Variants in ADGRL3 observed in about 807,000 individuals in gnomAD.
The protein encoded by ADGRL3 is adhesion G protein-coupled receptor L3, also known as calcium-independent alpha-latrotoxin receptor 3.
A neutral mutation model predicts 153.5 loss-of-function variants in ADGRL3; 62 were observed. The ratio of observed to expected loss-of-function variants is 0.40; its 90% CI spans 0.33 to 0.50. The LOEUF (loss-of-function observed/expected upper bound fraction) is 0.50, where lower values mean the gene tolerates loss of function less well. ADGRL3 is among the 20% of genes least tolerant of loss of function. The pLI is 0.47. For missense variants in ADGRL3, 1,641 were observed against 1,859.4 expected, an observed-to-expected ratio of 0.88 and a Z score of 2.16; for synonymous variants, 710 against 672.5, an observed-to-expected ratio of 1.06 and a Z score of -0.86.
intron 21 of ADGRL3, among the ~76,000 whole-genome samples, chr4:62,008,598 TATAAC>T (rs2099169840): frequency 6.6e-6 from 1 of 151,876 alleles, no homozygotes; most frequent in Admixed American, 6.6e-5. Flanking sequence ...TATTGAAAAA[TATAAC>T]ATTATTATGA....
At chr4:61,945,173 AG>A (rs1273313623) in intron 15 of ADGRL3, among the ~76,000 whole-genome samples, 4 of 2,130 alleles carry the variant, frequency 1.9e-3, no homozygotes, top group Non-Finnish European at 4.0e-3. Flanking sequence ...CCTCAGCTGC[AG>A]GTCTGTTGGA....
chr4:61,672,680 T>A (rs2095048224), intron 5 of ADGRL3, among the ~76,000 whole-genome samples: 1 of 152,012 alleles, frequency 6.6e-6, no homozygotes, highest in Non-Finnish European at 1.5e-5. Context: ...AGATAAGTGT[T>A]GATGACAATG....
intron 21 of ADGRL3, among the ~76,000 whole-genome samples, chr4:62,008,337 A>T (rs2151207758): frequency 6.6e-6 from 1 of 151,604 alleles, no homozygotes; most frequent in South Asian, 2.1e-4. Flanking sequence ...AGAGAGTAGA[A>T]ATTGTATGGC....
intron 9 of ADGRL3, among the ~76,000 whole-genome samples, chr4:61,835,654 A>C (rs192388515): frequency 7.9e-5 from 12 of 152,268 alleles, no homozygotes; most frequent in Non-Finnish European, 1.3e-4. Flanking sequence ...CTTTTTTACA[A>C]GATTTGGAAT....
intron 2 of ADGRL3, among the ~76,000 whole-genome samples, chr4:61,419,419 C>T (rs747328155): frequency 8.0e-5 from 12 of 150,568 alleles, no homozygotes; most frequent in Non-Finnish European, 1.6e-4. Context: ...CAGAGCCAAC[C>T]CAGGGGGCAA....
intron 4 of ADGRL3, among the ~76,000 whole-genome samples, chr4:61,562,168 T>G (rs148912211): frequency 2.0e-4 from 30 of 152,286 alleles, no homozygotes; most frequent in African/African-American, 7.2e-4. Context: ...TAGCATTATA[T>G]TTATAAAAAC....
intron 2 of ADGRL3, among the ~76,000 whole-genome samples, chr4:61,437,686 A>G (rs572465989): frequency 6.6e-6 from 1 of 152,158 alleles, no homozygotes; most frequent in Non-Finnish European, 1.5e-5. Context: ...AATTAATTCT[A>G]TCTACTTGAT....
chr4:61,347,134 C>T (rs1252332810), intron 1 of ADGRL3, among the ~76,000 whole-genome samples: 1 of 152,032 alleles, frequency 6.6e-6, no homozygotes, highest in Admixed American at 6.6e-5. Context: ...TGCTCAGAAC[C>T]TTAAGTATCT....
At chr4:61,748,721 A>T (rs899464780) in intron 8 of ADGRL3, among the ~76,000 whole-genome samples, 5 of 152,206 alleles carry the variant, frequency 3.3e-5, no homozygotes, top group African/African-American at 1.2e-4. Flanking sequence ...AAGGTGGATT[A>T]AAGACTTAAA....
chr4:61,289,794 G>A (rs558289710), intron 1 of ADGRL3, among the ~76,000 whole-genome samples: 3 of 152,170 alleles, frequency 2.0e-5, no homozygotes, highest in African/African-American at 7.2e-5. Flanking sequence ...GGACACTAAA[G>A]GCAGAATGTC....
chr4:62,050,496 A>G (rs1733514932), intron 25 of ADGRL3, among the ~76,000 whole-genome samples: 1 of 152,030 alleles, frequency 6.6e-6, no homozygotes, highest in Admixed American at 6.6e-5. Context: ...TGTCTTTCCC[A>G]GGAGGTTGGT....
intron 4 of ADGRL3, among the ~76,000 whole-genome samples, chr4:61,553,865 T>C (rs2098752056): frequency 6.6e-6 from 1 of 152,130 alleles, no homozygotes; most frequent in Admixed American, 6.6e-5. Context: ...AGAACAGAGT[T>C]AACAACCCAC....
At chr4:61,879,072 G>A (rs1164582475) in intron 9 of ADGRL3, among the ~76,000 whole-genome samples, 5 of 152,110 alleles carry the variant, frequency 3.3e-5, no homozygotes, top group African/African-American at 4.8e-5. Context: ...GAGTAGGCAA[G>A]AGAATTTGAA....
intron 6 of ADGRL3, among the ~76,000 whole-genome samples, chr4:61,682,281 A>T (rs1320766955): frequency 6.6e-6 from 1 of 151,822 alleles, no homozygotes; most frequent in East Asian, 1.9e-4. Flanking sequence ...AATTTTTTAG[A>T]ATTATATTTA....
chr4:61,445,507 C>A (rs543307235), intron 2 of ADGRL3, among the ~76,000 whole-genome samples: 1 of 152,204 alleles, frequency 6.6e-6, no homozygotes, highest in East Asian at 1.9e-4. Flanking sequence ...GTGTCATAGG[C>A]CTTGAGAGAG....
At chr4:61,984,075 A>G (rs1260487605) in intron 19 of ADGRL3, among the ~76,000 whole-genome samples, 1 of 152,134 alleles carries the variant, frequency 6.6e-6, no homozygotes, top group African/African-American at 2.4e-5. Context: ...CTGGGTAGGC[A>G]TTGAGGTAGA....
chr4:61,717,026 A>G (rs1450552390), intron 6 of ADGRL3, among the ~76,000 whole-genome samples: 2 of 152,176 alleles, frequency 1.3e-5, no homozygotes, highest in East Asian at 1.9e-4. Flanking sequence ...GATGCATGAA[A>G]GGTGAACTGA....
chr4:61,516,091 C>T (rs548520340), intron 3 of ADGRL3, among the ~76,000 whole-genome samples: 1 of 152,120 alleles, frequency 6.6e-6, no homozygotes, highest in African/African-American at 2.4e-5. Context: ...TTAAAGTTTT[C>T]CATTATAGAT....
chr4:61,681,523 C>G (rs1239713601), intron 6 of ADGRL3, among the ~76,000 whole-genome samples: 2 of 151,990 alleles, frequency 1.3e-5, no homozygotes, highest in Non-Finnish European at 2.9e-5. Context: ...ATTAAAACAA[C>G]CTTGTTATAG....
Sources: allele counts gnomAD v4.1 joint callset (sites outside exome capture counted in the v4.1 genomes callset), GRCh38; gene constraint gnomAD v4.1.1; transcripts MANE v1.5; gene names NCBI Gene and HGNC (gene_info 2026-07-23, HGNC 2026-07-21).